Variants in PNCK observed in about 807,000 individuals in gnomAD.
The protein encoded by PNCK is pregnancy up-regulated nonubiquitous CaM kinase, also known as calcium/calmodulin-dependent protein kinase type 1B.
In PNCK, 21 loss-of-function variants were observed where a neutral mutation model predicts 28.3. That is an observed-to-expected ratio of 0.74 (90% confidence interval 0.53 to 1.07). The LOEUF (loss-of-function observed/expected upper bound fraction) is 1.07, where lower values mean the gene tolerates loss of function less well. PNCK is among the 50% of genes least tolerant of loss of function. The probability of loss-of-function intolerance (pLI) is 0.00; values close to 1 mark genes in which losing one functional copy is unlikely to be tolerated. For missense variants in PNCK, 250 were observed against 298.3 expected, an observed-to-expected ratio of 0.84 and a Z score of 1.19; for synonymous variants, 136 against 125.2, an observed-to-expected ratio of 1.09 and a Z score of -0.58.
At chrX:153,675,859 C>T (rs782688699), upstream of PNCK, among the ~76,000 whole-genome samples, 43 of 110,305 alleles carry the variant, frequency 3.9e-4, no homozygotes, top group Non-Finnish European at 6.3e-4. Flanking sequence ...ATTACACCCT[C>T]CGGCCTGGCA....
chrX:153,676,756 T>C (rs148617205), upstream of PNCK, among the ~76,000 whole-genome samples: 10,699 of 107,794 alleles, frequency 0.099, 459 homozygotes, highest in South Asian at 0.15. Flanking sequence ...CCCAACTACT[T>C]GGGAGTCTGA....
chrX:153,672,080 G>T, intron 4 of PNCK, 46 bp downstream of exon 4: 1 of 1,198,563 alleles, frequency 8.3e-7, no homozygotes, highest in Non-Finnish European at 1.1e-6. Flanking sequence ...CCCACTCACT[G>T]CTCAGTCCCT....
At chrX:153,677,552 T>C (rs1557041768), upstream of PNCK, among the ~76,000 whole-genome samples, 1 of 102,001 alleles carries the variant, frequency 9.8e-6, no homozygotes, top group Non-Finnish European at 2.0e-5. Context: ...TGTGTATATA[T>C]ATATAGTGTG....
upstream of PNCK, among the ~76,000 whole-genome samples, chrX:153,677,545 GTATA>G (rs781965069): frequency 3.0e-5 from 3 of 101,227 alleles, no homozygotes; most frequent in South Asian, 8.9e-4. Flanking sequence ...TACATAGTGT[GTATA>G]TATATATAGT....
upstream of PNCK, among the ~76,000 whole-genome samples, chrX:153,676,183 C>T (rs2091365432): frequency 9.0e-6 from 1 of 110,701 alleles, no homozygotes; most frequent in African/African-American, 3.3e-5. Context: ...AACATGCTTA[C>T]AGGCACGTAG....
intron 1 of PNCK, among the ~76,000 whole-genome samples, chrX:153,684,787 C>T (rs1416849882): frequency 1.0e-5 from 1 of 100,207 alleles, no homozygotes; most frequent in East Asian, 3.2e-4. Flanking sequence ...AGGCCTCCCC[C>T]AACAAACAGG....
intron 1 of PNCK, among the ~76,000 whole-genome samples, chrX:153,680,545 C>T (rs782646659): frequency 8.5e-5 from 9 of 105,380 alleles, no homozygotes; most frequent in Non-Finnish European, 1.7e-4. Flanking sequence ...ATTACCCAGC[C>T]TCAGATTTTT....
Position 153,673,334 on chromosome X carries a change from A to G in PNCK, c.-2-256T>C. On this transcript the variant is annotated intron_variant, in intron 1 of 11. Transcript: ENST00000340888. ...CACCCCGAAGGCGACCAGCGCCTGGATGCTGCCTCTCTGCCTCCACACATC... is the reference window on the plus strand; with the variant it reads ...CACCCCGAAGGCGACCAGCGCCTGGGTGCTGCCTCTCTGCCTCCACACATC... 6 of 1,136,035 alleles carry G rather than the reference A, an allele frequency of 5.3e-6. No individual in the cohort carries two copies. In the South Asian group the frequency reaches 9.9e-5, roughly 19 times the overall value. 93.6% of individuals were successfully genotyped at this position (1,136,035 alleles called of 1,213,427 possible). A position where few individuals can be genotyped will look rare whatever the true frequency, so the allele number is the denominator to read the frequency against.
At chrX:153,683,770 G>A (rs2091405416) in intron 1 of PNCK, among the ~76,000 whole-genome samples, 1 of 111,351 alleles carries the variant, frequency 9.0e-6, no homozygotes, top group Non-Finnish European at 1.9e-5. Context: ...GTTGGGTGGG[G>A]GATGATTCTT....
rs369022391 is a variant in PNCK at position 153,670,714 on chromosome X, C to T, written c.894+30G>A. On this transcript the variant is annotated intron_variant, in intron 10 of 11. Coordinates refer to ENST00000340888, the MANE Select transcript of PNCK (RefSeq NM_001366977.1). ...CAGGCTACAGCTGGGGTGCGGCGGG[C>T]GACCACACTGGGTCTCTCTCCACAC... The T allele has an allele frequency of 1.1e-4, 133 of 1,158,594 alleles. 1 individual carries two copies. In the East Asian group the frequency reaches 2.6e-3, roughly 23 times the overall value.
upstream of PNCK, among the ~76,000 whole-genome samples, chrX:153,675,707 G>T (rs1022335337): frequency 1.8e-5 from 2 of 110,700 alleles, no homozygotes; most frequent in African/African-American, 6.5e-5. Context: ...TGTATTTTTA[G>T]TAGAGGCAGG....
intron 11 of PNCK, 97 bp from the exon 12 acceptor site, chrX:153,670,227 G>T: frequency 2.1e-6 from 1 of 468,025 alleles, no homozygotes; most frequent in Non-Finnish European, 3.6e-6. Context: ...GGACTTCTTA[G>T]AGGCCCTCTC....
chrX:153,677,519 T>C (rs1338398359), upstream of PNCK, among the ~76,000 whole-genome samples: 2 of 107,750 alleles, frequency 1.9e-5, no homozygotes, highest in African/African-American at 3.4e-5. Context: ...AGTGTGTGTG[T>C]GTATATACAT....
At chrX:153,683,948 G>T (rs1364273405) in intron 1 of PNCK, among the ~76,000 whole-genome samples, 4 of 112,238 alleles carry the variant, frequency 3.6e-5, no homozygotes, top group Non-Finnish European at 7.5e-5. Flanking sequence ...AGGAGTAATT[G>T]GAGAAGTTAC....
At chrX:153,680,407 C>T (rs1256630941) in intron 1 of PNCK, among the ~76,000 whole-genome samples, 30 of 107,371 alleles carry the variant, frequency 2.8e-4, no homozygotes, top group Non-Finnish European at 5.0e-4. Flanking sequence ...ATGGATATGC[C>T]GGCTCCCTCT....
intron 1 of PNCK, among the ~76,000 whole-genome samples, chrX:153,686,067 G>A (rs2091417822): frequency 8.9e-6 from 1 of 112,199 alleles, no homozygotes; most frequent in African/African-American, 3.2e-5. Flanking sequence ...GAGGGTCCAT[G>A]GAGCAGTGGC....
chrX:153,673,997 G>A (rs1557041076), upstream of PNCK: 6 of 1,166,878 alleles, frequency 5.1e-6, no homozygotes, highest in South Asian at 3.8e-5. Context: ...GCTCGCTCGC[G>A]CCGCCTCCCG....
chrX:153,677,321 C>A (rs1190858310), upstream of PNCK, among the ~76,000 whole-genome samples: 1 of 110,506 alleles, frequency 9.0e-6, no homozygotes, highest in African/African-American at 3.3e-5. Flanking sequence ...CTCTGTGAGC[C>A]CTTCCTTACT....
chrX:153,673,757 C>G (rs1763201888), intron 1 of PNCK, 23 bp downstream of exon 1: 1 of 741,847 alleles, frequency 1.3e-6, no homozygotes, highest in African/African-American at 2.3e-5. Flanking sequence ...CGCGCGTCCC[C>G]GCGCCCCGGA....
Sources: allele counts gnomAD v4.1 joint callset (sites outside exome capture counted in the v4.1 genomes callset), GRCh38; gene constraint gnomAD v4.1.1; transcripts MANE v1.5; gene names NCBI Gene and HGNC (gene_info 2026-07-23, HGNC 2026-07-21).